The following ABCA12 variants were observed in gnomAD, a reference collection of about 807,000 sequenced individuals.
ABCA12 encodes ATP binding cassette subfamily A member 12.
In ABCA12, 156 loss-of-function variants were observed where a neutral mutation model predicts 293.5. The observed-to-expected ratio is 0.53, with a 90% CI of 0.47 to 0.61. The LOEUF is 0.61. Among genes scored for constraint, ABCA12 ranks in the 20% least tolerant of loss-of-function variants. ABCA12 has a pLI of 0.00. For missense variants in ABCA12, 2,797 were observed against 3,090.2 expected (o/e 0.91, Z 2.25); for synonymous variants, 1,063 against 1,108.0 (o/e 0.96, Z 0.81).
chr2:214,982,327 G>C lies in ABCA12; in HGVS notation c.4439C>G (p.Ser1480Ter). 2 of 1,614,028 alleles carry C rather than the reference G, an allele frequency of 1.2e-6. No individual in the cohort carries two copies. Among genetic ancestry groups the C allele is most frequent in the Non-Finnish European group, 1.7e-6 (2 of 1,179,954 alleles). Reference sequence around the variant, plus strand: ...AGATAACTTCCTCTTCATGCCTCCTGACAGTGTTCCAACTCTCTTATGACG... The same window carrying C: ...AGATAACTTCCTCTTCATGCCTCCTCACAGTGTTCCAACTCTCTTATGACG... ...SHRHKRVGTL[S>*]GGMKRKLSIS... Residue 1480 changes from serine to a stop codon, truncating the protein, a stop_gained, in exon 30 of 53, where the codon TCA becomes TGA. Transcript: ENST00000272895. LOFTEE classifies it high-confidence loss of function.
chr2:215,049,274 T>G (rs978538449), intron 6 of ABCA12, among the ~76,000 whole-genome samples: 2 of 152,222 alleles, frequency 1.3e-5, no homozygotes, highest in Admixed American at 6.5e-5. Flanking sequence ...GTTATATGAC[T>G]GTGACAGTTT....
chr2:214,956,540 ATCAC>A, intron 42 of ABCA12, 119 bp downstream of exon 42: 1 of 700,646 alleles, frequency 1.4e-6, no homozygotes, highest in South Asian at 1.7e-5. Context: ...GTTGTTAGTC[ATCAC>A]TCATGTCAAA....
intron 2 of ABCA12, among the ~76,000 whole-genome samples, chr2:215,097,391 T>C (rs899122318): frequency 6.6e-6 from 1 of 152,178 alleles, no homozygotes; most frequent in Non-Finnish European, 1.5e-5. Context: ...CTTGATTATG[T>C]AATAGATTGC....
At position 214,974,770 on chromosome 2, in the gene ABCA12, C is replaced by T. The variant is rs1453353508; in HGVS notation, c.5468+8G>A. On this transcript the variant is annotated splice_region_variant and intron_variant, in intron 35 of 52. Coordinates refer to ENST00000272895, the MANE Select transcript of ABCA12 (RefSeq NM_173076.3). ...AAAACAAAAAATAGAAGAGCAAGAA[C>T]CACTTACAGATCACTGGTGTTCAGA... is the stretch of plus-strand genomic sequence containing the variant. 6.2e-7 allele frequency: 1 copy of T among 1,613,770 alleles called. No homozygotes were observed. Among genetic ancestry groups the T allele is most frequent in the South Asian group, 1.1e-5 (1 of 91,076 alleles).
intron 14 of ABCA12, 54 bp from the exon 15 acceptor site, chr2:215,015,717 G>T (rs1314464057): frequency 6.4e-7 from 1 of 1,551,286 alleles, no homozygotes; most frequent in East Asian, 2.3e-5. Flanking sequence ...AGAGTCAACT[G>T]TTCATTTTGT....
rs778589111 is a variant in ABCA12 at position 214,987,729 on chromosome 2, A to C, written c.3894T>G (p.Phe1298Leu). ...TCTCAGGCTTCACCTCTGCACACCC[A>C]AATCGCTCCTTCCAATAGGAAGGAA... Reference protein sequence around the residue: ...PILPSYWKERFGCAEVKPEKS... With the variant: ...PILPSYWKERLGCAEVKPEKS... The change falls in exon 27 of 53, where the codon TTT (phenylalanine) becomes TTG (leucine). Residue 1298 changes from phenylalanine (F) to leucine (L), a missense_variant. Transcript: ENST00000272895. The C allele has an allele frequency of 5.6e-6, 9 of 1,613,950 alleles. No homozygotes were observed. Among genetic ancestry groups the C allele is most frequent in the Non-Finnish European group, 7.6e-6 (9 of 1,179,998 alleles).
intron 2 of ABCA12, among the ~76,000 whole-genome samples, chr2:215,070,638 GT>G (rs907812532): frequency 1.4e-5 from 2 of 145,228 alleles, no homozygotes; most frequent in African/African-American, 5.1e-5. Context: ...TGCGGTGTTT[GT>G]TTTTTTGTCC....
chr2:215,065,789 G>A (rs1439395263), intron 2 of ABCA12, among the ~76,000 whole-genome samples: 2 of 152,078 alleles, frequency 1.3e-5, no homozygotes, highest in South Asian at 2.1e-4. Context: ...TAATAAGTTT[G>A]TGTTGTTTTA....
chr2:214,974,024 G>C lies in ABCA12; in HGVS notation c.5487C>G (p.Asp1829Glu), dbSNP rs1699451066. ...CACTGGTGTTCCATTTTTCCAGACT[G>C]TCTTTGTTTAAACACTGTCTGCAAG... Reference protein sequence around the residue: ...NTSDLQCLNKDSLEKWNTSGE... With the variant: ...NTSDLQCLNKESLEKWNTSGE... The change falls in exon 36 of 53, where the codon GAC (aspartate) becomes GAG (glutamate). Residue 1829 changes from aspartate (D) to glutamate (E), a missense_variant. Around this residue, in one of 3 missense-constraint regions of ABCA12, gnomAD observed 2,130 missense variants for 2,427.0 expected, o/e 0.88. Transcript: ENST00000272895. 1 of 1,613,788 alleles carries C rather than the reference G, an allele frequency of 6.2e-7. No homozygotes were observed. Among genetic ancestry groups the C allele is most frequent in the Non-Finnish European group, 8.5e-7 (1 of 1,179,904 alleles).
chr2:215,042,680 G>A (rs13390783), intron 7 of ABCA12, among the ~76,000 whole-genome samples: 12,911 of 152,054 alleles, frequency 0.085, 1,532 homozygotes, highest in African/African-American at 0.27. Context: ...TGCCTCAAAC[G>A]TTTATTATTT....
intron 22 of ABCA12, 27 bp from the exon 23 acceptor site, chr2:214,997,836 T>C (rs145002052): frequency 2.8e-6 from 4 of 1,422,312 alleles, no homozygotes; most frequent in Non-Finnish European, 4.0e-6. Context: ...AAAAGAAAAA[T>C]TCAGCGACCA....
At chr2:214,951,569 C>T (rs1691036246) in intron 44 of ABCA12, among the ~76,000 whole-genome samples, 1 of 152,140 alleles carries the variant, frequency 6.6e-6, no homozygotes, top group Non-Finnish European at 1.5e-5. Flanking sequence ...CCAGCCTGGC[C>T]AACCTGGCAA....
chr2:214,978,540 A>T, intron 32 of ABCA12, 74 bp from the exon 33 acceptor site: 1 of 1,544,914 alleles, frequency 6.5e-7, no homozygotes, highest in African/African-American at 1.4e-5. Flanking sequence ...CTTACCTTTG[A>T]TTTTGAACTT....
In ABCA12 at chr2:214,980,505, T is replaced by C. The variant is rs1190937513; in HGVS notation, c.4718A>G (p.His1573Arg). 1 of 1,613,644 alleles carries C rather than the reference T, an allele frequency of 6.2e-7. No individual in the cohort carries two copies. The highest frequency in any genetic ancestry group is 8.5e-7 in the Non-Finnish European group (1 of 1,179,970). The part of the protein sequence containing the change: ...YLKEAFGDGY[H>R]LTLTKKKSPN... ...TACCTTCTTCTTGGTAAGCGTGAGG[T>C]GATACCCATCGCCAAAGGCTTCCTT... The change falls in exon 31 of 53, where the codon CAC (histidine) becomes CGC (arginine). Residue 1573 changes from histidine (H) to arginine (R), a missense_variant. His to Arg is a conservative substitution (Grantham distance 29, BLOSUM62 0). This residue lies in a region of ABCA12 where 2,130 missense variants were observed against 2,427.0 expected (regional missense o/e 0.88). Coordinates refer to ENST00000272895, the MANE Select transcript of ABCA12 (RefSeq NM_173076.3).
At chr2:214,971,634 A>G (rs1176672704) in intron 36 of ABCA12, among the ~76,000 whole-genome samples, 1 of 152,200 alleles carries the variant, frequency 6.6e-6, no homozygotes, top group Admixed American at 6.5e-5. Flanking sequence ...TATTATGATT[A>G]TGAGAATCTT....
chr2:215,019,409 A>G lies in ABCA12; in HGVS notation c.1584T>C (p.Asn528=), dbSNP rs1238822458. 1 of 1,613,894 alleles carries G rather than the reference A, an allele frequency of 6.2e-7. No individual in the cohort carries two copies. Among genetic ancestry groups the G allele is most frequent in the East Asian group, 2.2e-5 (1 of 44,880 alleles). ...CTATGATCGGTATTAACTGAGTGATATTTTCCAAGTAATTCATTTGCAGTG... is the reference window on the plus strand; with the variant it reads ...CTATGATCGGTATTAACTGAGTGATGTTTTCCAAGTAATTCATTTGCAGTG... ...EQALQMNYLE[N]ITQLIPIIEA... Residue 528 remains asparagine, a synonymous_variant, in exon 13 of 53, where the codon AAT becomes AAC. Coordinates refer to ENST00000272895, the MANE Select transcript of ABCA12 (RefSeq NM_173076.3).
intron 39 of ABCA12, among the ~76,000 whole-genome samples, chr2:214,959,939 A>G (rs902570505): frequency 1.3e-5 from 2 of 152,156 alleles, no homozygotes; most frequent in Non-Finnish European, 2.9e-5. Context: ...ATGCCACTGA[A>G]GAAAGCTCCT....
At chr2:215,016,582 CAAAAAAAAAAAAAAA>C (rs71041981) in intron 14 of ABCA12, among the ~76,000 whole-genome samples, 1,717 of 29,978 alleles carry the variant, frequency 0.057, 83 homozygotes, top group African/African-American at 0.13. Flanking sequence ...GACTCTGTCT[CAAAAAAAAAAAAAAA>C]AAAAAAAAAA....
At position 215,000,692 on chromosome 2, in the gene ABCA12, T is replaced by G. The variant is rs1700125090; in HGVS notation, c.3179+13A>C. The G allele has an allele frequency of 6.2e-7, 1 of 1,613,532 alleles. No individual in the cohort carries two copies. The highest frequency in any genetic ancestry group is 8.5e-7 in the Non-Finnish European group (1 of 1,179,878). On this transcript the variant is annotated intron_variant, in intron 22 of 52. Transcript: ENST00000272895. ...TGTTGATCATTAAAAAGGCTGGAAGTGCACACACTTACTTGTCTTTCATGA... is the reference window on the plus strand; with the variant it reads ...TGTTGATCATTAAAAAGGCTGGAAGGGCACACACTTACTTGTCTTTCATGA...
Sources: gnomAD v4.1 joint callset for allele counts (sites outside exome capture counted in the v4.1 genomes callset) on GRCh38, gnomAD v4.1.1 for gene constraint, gnomAD v4.1.1 regional missense constraint, MANE v1.5 for transcripts, NCBI Gene and HGNC (gene_info 2026-07-23, HGNC 2026-07-21) for gene names.